The following EPB41L4A variants were observed in gnomAD, a reference collection of about 807,000 sequenced individuals.
The protein encoded by EPB41L4A is erythrocyte membrane protein band 4.1 like 4A, also known as band 4.1-like protein 4A.
In EPB41L4A, 100 loss-of-function variants were observed where a neutral mutation model predicts 108.6. That is an observed-to-expected ratio of 0.92 (90% CI 0.78 to 1.09). The LOEUF is 1.09. EPB41L4A is among the 50% of genes least tolerant of loss of function. The pLI, the probability that EPB41L4A is intolerant of heterozygous loss-of-function variation, is 0.00. For synonymous variants in EPB41L4A, 319 were observed against 289.0 expected, an observed-to-expected ratio of 1.10 and a Z score of -1.05; for missense variants, 1,030 against 842.7, an observed-to-expected ratio of 1.22 and a Z score of -2.75.
At chr5:112,193,005 C>A (rs1761779486) in intron 17 of EPB41L4A, among the ~76,000 whole-genome samples, 1 of 152,210 alleles carries the variant, frequency 6.6e-6, no homozygotes. Context: ...TAAGAAGGAG[C>A]TACCTCCCAC....
chr5:112,304,306 T>C (rs756651815), intron 2 of EPB41L4A, among the ~76,000 whole-genome samples: 4 of 152,150 alleles, frequency 2.6e-5, no homozygotes, highest in Admixed American at 6.6e-5. Flanking sequence ...AGGAGTAATC[T>C]GTAAAGGAGC....
intron 12 of EPB41L4A, among the ~76,000 whole-genome samples, chr5:112,156,235 A>G (rs1463936097): frequency 2.0e-5 from 3 of 152,224 alleles, no homozygotes; most frequent in African/African-American, 7.2e-5. Context: ...CCCTAACCCA[A>G]CAAACAATAA....
intron 1 of EPB41L4A, among the ~76,000 whole-genome samples, chr5:112,331,070 A>G (rs1206386560): frequency 1.3e-5 from 2 of 152,190 alleles, no homozygotes; most frequent in African/African-American, 4.8e-5. Context: ...TAAGGAAGCC[A>G]CAGATTCTGT....
chr5:112,393,666 G>A (rs1160407923), intron 1 of EPB41L4A, among the ~76,000 whole-genome samples: 1 of 148,682 alleles, frequency 6.7e-6, no homozygotes, highest in East Asian at 1.9e-4. Flanking sequence ...GAGGTACAAG[G>A]AGGAGCTGGT....
rs193287287 is a variant in EPB41L4A at position 112,194,475 on chromosome 5, G to A, written c.1502+93C>T. 3,937 of 700,554 alleles carry A rather than the reference G, an allele frequency of 5.6e-3. 20 individuals are homozygous for A. The highest frequency in any genetic ancestry group is 0.02 in the Middle Eastern group (81 of 4,004). The allele number at this position is 700,554 out of a possible 1,614,324, so 43.4% of individuals were successfully genotyped here. On this transcript the variant is annotated intron_variant, in intron 17 of 22. Coordinates refer to ENST00000261486, the MANE Select transcript of EPB41L4A (RefSeq NM_022140.5). The stretch of plus-strand genomic sequence containing the variant: ...CCAGATTGCTTCTCAGACTCAGATG[G>A]AAAAAACAGACTTACAAAGGACACT...
chr5:112,346,185 G>GA (rs1288214918), intron 1 of EPB41L4A, among the ~76,000 whole-genome samples: 3 of 119,518 alleles, frequency 2.5e-5, no homozygotes, highest in East Asian at 3.0e-4. Flanking sequence ...ACACCTGGTA[G>GA]AAAAAAATTC....
intron 12 of EPB41L4A, among the ~76,000 whole-genome samples, chr5:112,218,940 G>T (rs1747839854): frequency 6.6e-6 from 1 of 152,130 alleles, no homozygotes; most frequent in African/African-American, 2.4e-5. Flanking sequence ...TTAAAAACTA[G>T]AACTGTTTCA....
At chr5:112,405,085 C>A (rs1234594323) in intron 1 of EPB41L4A, among the ~76,000 whole-genome samples, 1 of 152,214 alleles carries the variant, frequency 6.6e-6, no homozygotes, top group Non-Finnish European at 1.5e-5. Flanking sequence ...CAAAAAACTA[C>A]AGCAGAAATG....
At chr5:112,237,579 A>G (rs1178705705) in intron 11 of EPB41L4A, among the ~76,000 whole-genome samples, 1 of 152,146 alleles carries the variant, frequency 6.6e-6, no homozygotes, top group East Asian at 1.9e-4. Context: ...TGTTCTTTAT[A>G]CCCTATTCTT....
chr5:112,228,748 G>A, intron 12 of EPB41L4A: 2 of 985,434 alleles, frequency 2.0e-6, no homozygotes, highest in African/African-American at 1.7e-5. Context: ...GTTGTAACAG[G>A]AGGGCACTTT....
intron 1 of EPB41L4A, among the ~76,000 whole-genome samples, chr5:112,342,032 G>C (rs1000713121): frequency 7.9e-5 from 12 of 152,064 alleles, no homozygotes; most frequent in African/African-American, 2.9e-4. Context: ...TGGATCAAGA[G>C]AATTCACGAA....
At chr5:112,180,597 G>T (rs1761094982) in intron 18 of EPB41L4A, among the ~76,000 whole-genome samples, 1 of 150,068 alleles carries the variant, frequency 6.7e-6, no homozygotes. Flanking sequence ...CGATAAAGCT[G>T]CTAGAAAAAG....
At chr5:112,311,274 G>A (rs1242038774) in intron 1 of EPB41L4A, among the ~76,000 whole-genome samples, 2 of 152,120 alleles carry the variant, frequency 1.3e-5, no homozygotes, top group African/African-American at 2.4e-5. Flanking sequence ...TAAAAATCCT[G>A]AGTAACAGTA....
At chr5:112,334,205 T>A (rs1273181662) in intron 1 of EPB41L4A, among the ~76,000 whole-genome samples, 1 of 152,176 alleles carries the variant, frequency 6.6e-6, no homozygotes, top group Admixed American at 6.5e-5. Context: ...GACTTTGGTA[T>A]ATAACATCAC....
chr5:112,390,077 A>T (rs1462080091), intron 1 of EPB41L4A, among the ~76,000 whole-genome samples: 1 of 152,220 alleles, frequency 6.6e-6, no homozygotes, highest in African/African-American at 2.4e-5. Context: ...TAGGAAAAAG[A>T]AGTAAGATGG....
intron 1 of EPB41L4A, among the ~76,000 whole-genome samples, chr5:112,404,569 A>T (rs942521393): frequency 4.2e-4 from 64 of 152,306 alleles, no homozygotes; most frequent in African/African-American, 1.4e-3. Flanking sequence ...TGACTTCTCC[A>T]AGCTAGGAAA....
chr5:112,369,699 G>A (rs1759361750), intron 1 of EPB41L4A, among the ~76,000 whole-genome samples: 1 of 152,154 alleles, frequency 6.6e-6, no homozygotes, highest in Non-Finnish European at 1.5e-5. Flanking sequence ...TAGGAAGCAG[G>A]AGGAACTTGG....
At chr5:112,160,906 G>A (rs1430542531), downstream of EPB41L4A, 1 of 156,360 alleles carries the variant, frequency 6.4e-6, no homozygotes, top group Non-Finnish European at 1.5e-5. Flanking sequence ...TTTTTGCTCT[G>A]GGTCCTCTGG....
At chr5:112,167,331 A>C (rs1313956263) in intron 22 of EPB41L4A, among the ~76,000 whole-genome samples, 2 of 152,162 alleles carry the variant, frequency 1.3e-5, no homozygotes, top group African/African-American at 4.8e-5. Context: ...AATTTTGAAA[A>C]AGTACTGTCA....
Sources: allele counts gnomAD v4.1 joint callset (sites outside exome capture counted in the v4.1 genomes callset), GRCh38; gene constraint gnomAD v4.1.1; transcripts MANE v1.5; gene names NCBI Gene and HGNC (gene_info 2026-07-23, HGNC 2026-07-21).